The following TLR6 variants were observed in gnomAD, a reference collection of about 807,000 sequenced individuals.
TLR6 encodes toll like receptor 6, also known as toll-like receptor 6.
A neutral mutation model predicts 16.1 loss-of-function variants in TLR6; 9 were observed. The observed-to-expected ratio is 0.56, with a 90% confidence interval of 0.34 to 0.98. TLR6 has a LOEUF of 0.98. Among genes scored for constraint, TLR6 ranks in the 50% least tolerant of loss-of-function variants. The pLI is 0.02. For synonymous variants in TLR6, 340 were observed against 338.6 expected, an observed-to-expected ratio of 1.00 and a Z score of -0.04; for missense variants, 786 against 921.0, an observed-to-expected ratio of 0.85 and a Z score of 1.90.
the TLR6 span, among the ~76,000 whole-genome samples, chr4:38,861,996 T>A: frequency 6.6e-6 from 1 of 152,234 alleles, no homozygotes; most frequent in South Asian, 2.1e-4. Flanking sequence ...AACATTCTTG[T>A]TGAAAACCAA....
chr4:38,840,720 T>A (rs1712219429), intron 1 of TLR6, among the ~76,000 whole-genome samples: 1 of 151,570 alleles, frequency 6.6e-6, no homozygotes, highest in South Asian at 2.1e-4. Flanking sequence ...TGTATATGAG[T>A]GCATGCAGAA....
intron 1 of TLR6, among the ~76,000 whole-genome samples, chr4:38,840,590 C>T (rs912116092): frequency 2.7e-5 from 4 of 150,448 alleles, no homozygotes; most frequent in Non-Finnish European, 2.9e-5. Flanking sequence ...GCCGAGATCG[C>T]GCCATTACAC....
At chr4:38,826,126 G>A (rs1727537546) in exon 2 of TLR6, 1 of 152,322 alleles carries the variant, frequency 6.6e-6, no homozygotes, top group Non-Finnish European at 1.5e-5. Context: ...GTCTTGGAGT[G>A]GGATGCCAGG....
the TLR6 span, chr4:38,868,072 A>T: frequency 8.1e-5 from 33 of 405,862 alleles, no homozygotes; most frequent in Admixed American, 3.1e-4. Flanking sequence ...TGTGTGTGTG[A>T]GTGTGTGTCG....
At chr4:38,833,970 T>C (rs1297554295) in intron 1 of TLR6, among the ~76,000 whole-genome samples, 1 of 151,764 alleles carries the variant, frequency 6.6e-6, no homozygotes, top group Non-Finnish European at 1.5e-5. Context: ...CTCACAACTG[T>C]AATCCCAGCA....
At chr4:38,831,189 C>CA (rs1711552478) in intron 1 of TLR6, among the ~76,000 whole-genome samples, 2 of 150,490 alleles carry the variant, frequency 1.3e-5, no homozygotes, top group African/African-American at 4.9e-5. Context: ...AATAGACCCA[C>CA]AAAAAAATAA....
At chr4:38,840,923 T>C (rs972757752) in intron 1 of TLR6, among the ~76,000 whole-genome samples, 4 of 152,192 alleles carry the variant, frequency 2.6e-5, no homozygotes, top group African/African-American at 9.7e-5. Context: ...AAATCAGCTA[T>C]TTGTTGTGAT....
At chr4:38,836,464 G>A (rs1579246889) in intron 1 of TLR6, among the ~76,000 whole-genome samples, 1 of 152,124 alleles carries the variant, frequency 6.6e-6, no homozygotes, top group Non-Finnish European at 1.5e-5. Context: ...CCAATAACAA[G>A]TAATAAGTTT....
chr4:38,856,828 G>C (rs555473139), upstream of TLR6: 1 of 140,016 alleles, frequency 7.1e-6, no homozygotes, highest in African/African-American at 3.2e-5. Context: ...GAAAATGCTT[G>C]ACAAACACAA....
intron 1 of TLR6, chr4:38,843,699 T>G (rs1579254127): frequency 6.6e-6 from 1 of 152,226 alleles, no homozygotes; most frequent in East Asian, 1.9e-4. Flanking sequence ...TGGCGTATGG[T>G]TAAAAGCTCT....
At chr4:38,827,755 C>G (rs1164388935) in exon 2 of TLR6, 1 of 1,614,222 alleles carries the variant, frequency 6.2e-7, no homozygotes, top group African/African-American at 1.3e-5. Flanking sequence ...TGTGAAAGTC[C>G]TTTAGTGGGC....
intron 1 of TLR6, among the ~76,000 whole-genome samples, chr4:38,832,418 G>A (rs75404349): frequency 0.018 from 2,801 of 152,310 alleles, 45 homozygotes; most frequent in African/African-American, 0.047. Flanking sequence ...AAGTTTAACT[G>A]AGAGATCTTC....
chr4:38,829,387 G>A (rs113858710), exon 2 of TLR6: 116 of 1,614,012 alleles, frequency 7.2e-5, no homozygotes, highest in South Asian at 3.5e-4. Flanking sequence ...CATTTCCGTC[G>A]GAGAACTGGA....
At chr4:38,836,830 C>T (rs534084553) in intron 1 of TLR6, among the ~76,000 whole-genome samples, 1 of 151,822 alleles carries the variant, frequency 6.6e-6, no homozygotes, top group South Asian at 2.1e-4. Context: ...ATCCCAGCTA[C>T]TCAGGAGGCC....
At chr4:38,858,574 G>A (rs1275481123), upstream of TLR6, among the ~76,000 whole-genome samples, 1 of 151,784 alleles carries the variant, frequency 6.6e-6, no homozygotes, top group African/African-American at 2.4e-5. Flanking sequence ...ACAAACATTA[G>A]CTGGGTATGG....
chr4:38,868,132 G>T, the TLR6 span: 1 of 241,798 alleles, frequency 4.1e-6, no homozygotes, highest in Non-Finnish European at 9.0e-6. Context: ...CTCAGGGTCT[G>T]CCCCCTCGGC....
At chr4:38,850,693 C>T (rs1422694046) in intron 1 of TLR6, among the ~76,000 whole-genome samples, 2 of 152,140 alleles carry the variant, frequency 1.3e-5, no homozygotes, top group Non-Finnish European at 2.9e-5. Flanking sequence ...GAAGTTGAAT[C>T]CCTGAATAGG....
chr4:38,825,712 T>C (rs1470209863), exon 2 of TLR6: 1 of 152,226 alleles, frequency 6.6e-6, no homozygotes, highest in African/African-American at 2.4e-5. Flanking sequence ...TGCTATAGTT[T>C]CTTTGCACAA....
the TLR6 span, among the ~76,000 whole-genome samples, chr4:38,865,284 A>G: frequency 6.6e-6 from 1 of 152,210 alleles, no homozygotes; most frequent in Non-Finnish European, 1.5e-5. Flanking sequence ...AAATTTTTAA[A>G]TGAACTTAAA....
Sources: allele counts gnomAD v4.1 joint callset (sites outside exome capture counted in the v4.1 genomes callset), GRCh38; gene constraint gnomAD v4.1.1; transcripts MANE v1.5; gene names NCBI Gene and HGNC (gene_info 2026-07-23, HGNC 2026-07-21).